Variants in RALGAPA1 observed in about 807,000 individuals in gnomAD.
RALGAPA1 encodes Ral GTPase activating protein catalytic subunit alpha 1.
RALGAPA1 carries 52 observed loss-of-function variants against 269.6 expected under a neutral mutation model. The ratio of observed to expected loss-of-function variants is 0.19; its 90% CI spans 0.15 to 0.24. The LOEUF is 0.24. RALGAPA1 is among the 10% of genes least tolerant of loss of function. RALGAPA1 has a pLI of 1.00. For missense variants in RALGAPA1, 1,917 were observed against 3,013.9 expected, an observed-to-expected ratio of 0.64 and a Z score of 8.52; for synonymous variants, 817 against 1,008.3, an observed-to-expected ratio of 0.81 and a Z score of 3.60.
At chr14:35,645,357 GT>G (rs2139905330) in intron 31 of RALGAPA1, among the ~76,000 whole-genome samples, 1 of 145,168 alleles carries the variant, frequency 6.9e-6, no homozygotes, top group East Asian at 2.0e-4. Context: ...GTGTGTGTGT[GT>G]GTGTGTGTGT....
At chr14:35,690,631 T>TA (rs2066399671) in intron 17 of RALGAPA1, among the ~76,000 whole-genome samples, 1 of 152,206 alleles carries the variant, frequency 6.6e-6, no homozygotes, top group Non-Finnish European at 1.5e-5. Flanking sequence ...ATATATTTTT[T>TA]AAAAAATCAA....
At chr14:35,737,057 A>G (rs2071072517) in intron 12 of RALGAPA1, among the ~76,000 whole-genome samples, 1 of 151,556 alleles carries the variant, frequency 6.6e-6, no homozygotes, top group South Asian at 2.1e-4. Context: ...AAAAAAAGTG[A>G]ATGAATATAA....
At chr14:35,792,990 G>T (rs1309765444) in intron 1 of RALGAPA1, among the ~76,000 whole-genome samples, 1 of 151,256 alleles carries the variant, frequency 6.6e-6, no homozygotes, top group East Asian at 1.9e-4. Context: ...GGTAAGAACC[G>T]AGAAAAAAGG....
chr14:35,700,315 AAAAG>A lies in RALGAPA1; in HGVS notation c.2267-17_2267-14del. 6.7e-7 allele frequency: 1 copy of A among 1,501,926 alleles called. No homozygotes were observed. Among genetic ancestry groups the A allele is most frequent in the Non-Finnish European group, 8.8e-7 (1 of 1,135,196 alleles). The allele number at this position is 1,501,926 out of a possible 1,614,324, so 93.0% of individuals were successfully genotyped here. On this transcript the variant is annotated splice_polypyrimidine_tract_variant and intron_variant, in intron 16 of 41. Transcript: ENST00000680220. ...CGGCTTCTCATGGCTTTAAAAAAGGAAAAGAAAGAAGTGGGGAAGGAAAAAAGAA... is the reference window on the plus strand; with the variant it reads ...CGGCTTCTCATGGCTTTAAAAAAGGAAAAGAAGTGGGGAAGGAAAAAAGAA...
At chr14:35,726,609 G>A (rs959753595) in intron 13 of RALGAPA1, among the ~76,000 whole-genome samples, 13 of 151,962 alleles carry the variant, frequency 8.6e-5, no homozygotes, top group Non-Finnish European at 1.0e-4. Flanking sequence ...GCAACAAGGC[G>A]AAACATCTCT....
Position 35,625,352 on chromosome 14 carries a change from A to G in RALGAPA1, c.6929+9T>C. On this transcript the variant is annotated intron_variant, in intron 35 of 41. Coordinates refer to ENST00000680220, the MANE Select transcript of RALGAPA1 (RefSeq NM_001346249.2). The stretch of plus-strand genomic sequence containing the variant: ...TTGCTAGTTATGTGAAGATTTTCCA[A>G]CAACTTACCACTGCCTTGAATCCAA... 1.9e-6 allele frequency: 3 copies of G among 1,599,524 alleles called. No homozygotes were observed. Among genetic ancestry groups the G allele is most frequent in the Non-Finnish European group, 2.6e-6 (3 of 1,173,484 alleles).
intron 35 of RALGAPA1, among the ~76,000 whole-genome samples, chr14:35,613,538 T>C (rs754856961): frequency 3.3e-5 from 5 of 152,240 alleles, no homozygotes; most frequent in Non-Finnish European, 5.9e-5. Context: ...GACAGGGCCA[T>C]GCACCTTCCA....
intron 11 of RALGAPA1, among the ~76,000 whole-genome samples, chr14:35,739,094 T>C (rs764350385): frequency 1.3e-5 from 2 of 152,216 alleles, no homozygotes; most frequent in African/African-American, 2.4e-5. Flanking sequence ...ATTCTCATTA[T>C]TCAAAGAATA....
intron 1 of RALGAPA1, chr14:35,807,950 T>C (rs1001508097): frequency 6.6e-6 from 1 of 152,162 alleles, no homozygotes; most frequent in Non-Finnish European, 1.5e-5. Flanking sequence ...AATGTCTTCA[T>C]CTAAAAAATC....
chr14:35,664,499 G>A, intron 27 of RALGAPA1, 143 bp downstream of exon 27: 1 of 664,556 alleles, frequency 1.5e-6, no homozygotes, highest in Non-Finnish European at 2.5e-6. Context: ...GAACATTCAA[G>A]CCTTTGTGTC....
At chr14:35,739,535 G>C (rs1567128795) in intron 11 of RALGAPA1, among the ~76,000 whole-genome samples, 1 of 152,060 alleles carries the variant, frequency 6.6e-6, no homozygotes, top group Non-Finnish European at 1.5e-5. Flanking sequence ...TTATTAATCA[G>C]ATTCCCCCCA....
At chr14:35,739,291 T>C (rs2071334292) in intron 11 of RALGAPA1, among the ~76,000 whole-genome samples, 1 of 152,200 alleles carries the variant, frequency 6.6e-6, no homozygotes, top group Non-Finnish European at 1.5e-5. Context: ...TAGTTAAGTT[T>C]TACAAAAATA....
chr14:35,792,124 A>G (rs1038365876), intron 1 of RALGAPA1, among the ~76,000 whole-genome samples: 1 of 152,046 alleles, frequency 6.6e-6, no homozygotes, highest in Non-Finnish European at 1.5e-5. Flanking sequence ...AGGCAAAGGA[A>G]AGCCATAGAG....
At chr14:35,596,892 G>A (rs890462660) in intron 36 of RALGAPA1, among the ~76,000 whole-genome samples, 5 of 152,056 alleles carry the variant, frequency 3.3e-5, no homozygotes, top group Non-Finnish European at 5.9e-5. Context: ...ATCCATTCAC[G>A]TTAGTGTGCA....
chr14:35,806,793 C>G (rs1354968861), intron 1 of RALGAPA1, among the ~76,000 whole-genome samples: 1 of 152,158 alleles, frequency 6.6e-6, no homozygotes, highest in Non-Finnish European at 1.5e-5. Context: ...AAAGGATTTT[C>G]CATCTGCAAA....
In RALGAPA1 at chr14:35,673,719, T is replaced by C. The variant is rs1446215613; in HGVS notation, c.4917+461A>G. 5.9e-5 allele frequency among the ~76,000 whole-genome samples: 9 copies of C among 152,248 alleles called. No homozygotes were observed. In the South Asian group the frequency reaches 1.9e-3, roughly 32 times the overall value. ...CCTCAGCCTCTCGAGTAGCTGGGAT[T>C]ACAGGTGCCCACCACCATGCCCAGC... On this transcript the variant is annotated intron_variant, in intron 24 of 41. Coordinates refer to ENST00000680220, the MANE Select transcript of RALGAPA1 (RefSeq NM_001346249.2).
At chr14:35,651,174 T>G (rs1038057272) in intron 31 of RALGAPA1, among the ~76,000 whole-genome samples, 33 of 152,276 alleles carry the variant, frequency 2.2e-4, no homozygotes, top group African/African-American at 7.2e-4. Flanking sequence ...CTGGATTTAG[T>G]AGTCAAGGAC....
chr14:35,700,506 T>A (rs1265420358), intron 16 of RALGAPA1, among the ~76,000 whole-genome samples: 1 of 152,142 alleles, frequency 6.6e-6, no homozygotes, highest in Non-Finnish European at 1.5e-5. Flanking sequence ...TTGAATATAA[T>A]TTTTTTATAT....
At chr14:35,668,887 AT>A (rs975434554) in intron 26 of RALGAPA1, among the ~76,000 whole-genome samples, 179 of 150,794 alleles carry the variant, frequency 1.2e-3, no homozygotes, top group East Asian at 7.7e-3. Context: ...TATCTCAATG[AT>A]TTTTTTTTTA....
Sources: gnomAD v4.1 joint callset for allele counts (sites outside exome capture counted in the v4.1 genomes callset) on GRCh38, gnomAD v4.1.1 for gene constraint, MANE v1.5 for transcripts, NCBI Gene and HGNC (gene_info 2026-07-23, HGNC 2026-07-21) for gene names.